FIRRM: variants seen among roughly 807,000 people sequenced by gnomAD.
FIRRM encodes FIGNL1-interacting regulator of recombination and mitosis.
the FIRRM span, among the ~76,000 whole-genome samples, chr1:169,842,103 GA>G: frequency 6.6e-6 from 1 of 151,518 alleles, no homozygotes; most frequent in Admixed American, 6.6e-5. Flanking sequence ...TCGAACCTGG[GA>G]GTTGGAGGTT....
the FIRRM span, chr1:169,793,343 A>G: frequency 1.9e-6 from 3 of 1,614,090 alleles, no homozygotes; most frequent in African/African-American, 4.0e-5. Flanking sequence ...TAATGTTTCT[A>G]TGACTTTATT....
At chr1:169,827,235 AT>A in the FIRRM span, 3 of 1,566,570 alleles carry the variant, frequency 1.9e-6, no homozygotes, top group Non-Finnish European at 2.6e-6. Context: ...TAAATCATCT[AT>A]TATGACATGT....
chr1:169,800,935 A>T, the FIRRM span: 2 of 1,599,490 alleles, frequency 1.3e-6, no homozygotes, highest in South Asian at 2.2e-5. Context: ...ACCACCTGAC[A>T]TTGGAACAGA....
chr1:169,829,178 A>G, the FIRRM span: 1 of 1,226,250 alleles, frequency 8.2e-7, no homozygotes, highest in Non-Finnish European at 1.1e-6. Context: ...TGCTTAAACA[A>G]CCTTCCATGT....
At chr1:169,847,084 C>T in the FIRRM span, among the ~76,000 whole-genome samples, 1 of 152,074 alleles carries the variant, frequency 6.6e-6, no homozygotes, top group African/African-American at 2.4e-5. Flanking sequence ...ACAGTCACAA[C>T]ACACAATTTA....
chr1:169,830,178 G>A, the FIRRM span: 5 of 1,227,408 alleles, frequency 4.1e-6, no homozygotes, highest in African/African-American at 7.7e-5. Context: ...GTGCTTTCTT[G>A]TTTTATTTTG....
the FIRRM span, chr1:169,852,056 C>G: frequency 4.4e-6 from 6 of 1,378,456 alleles, no homozygotes; most frequent in Non-Finnish European, 6.1e-6. Flanking sequence ...TCAAATAGAT[C>G]TAGACATGTA....
chr1:169,839,089 G>A, the FIRRM span, among the ~76,000 whole-genome samples: 1 of 152,118 alleles, frequency 6.6e-6, no homozygotes, highest in African/African-American at 2.4e-5. Context: ...GCCGCTCTCT[G>A]TTGCTGCAAA....
At chr1:169,842,466 C>T in the FIRRM span, 6 of 1,613,820 alleles carry the variant, frequency 3.7e-6, no homozygotes, top group Non-Finnish European at 5.1e-6. Flanking sequence ...GCTGGTGAAG[C>T]TTTGGATACA....
At chr1:169,784,014 TG>T in the FIRRM span, 2 of 152,582 alleles carry the variant, frequency 1.3e-5, no homozygotes, top group South Asian at 4.1e-4. Context: ...TTGAACTCCT[TG>T]GCTAGAGAGA....
the FIRRM span, among the ~76,000 whole-genome samples, chr1:169,836,628 A>G: frequency 6.6e-6 from 1 of 152,246 alleles, no homozygotes; most frequent in South Asian, 2.1e-4. Context: ...CTTATTGGTA[A>G]GTAGGAGCAT....
chr1:169,847,891 AT>A, the FIRRM span: 4 of 847,716 alleles, frequency 4.7e-6, no homozygotes, highest in Non-Finnish European at 7.3e-6. Flanking sequence ...TTTTTCTGAA[AT>A]TTTGCAATTA....
At chr1:169,845,806 A>C in the FIRRM span, among the ~76,000 whole-genome samples, 37 of 152,252 alleles carry the variant, frequency 2.4e-4, no homozygotes, top group African/African-American at 7.9e-4. Flanking sequence ...TGAACCCCCC[A>C]AAGTCATCCA....
the FIRRM span, chr1:169,793,755 G>T: frequency 6.8e-7 from 1 of 1,461,812 alleles, no homozygotes; most frequent in Non-Finnish European, 9.2e-7. Flanking sequence ...GATAGAATTT[G>T]ATGATACACA....
the FIRRM span, among the ~76,000 whole-genome samples, chr1:169,842,251 C>T: frequency 5.3e-5 from 8 of 151,276 alleles, no homozygotes; most frequent in Non-Finnish European, 1.2e-4. Flanking sequence ...TTAATATATA[C>T]TTGTGTTAAA....
chr1:169,793,905 G>GAAAA, the FIRRM span: 8 of 221,544 alleles, frequency 3.6e-5, no homozygotes, highest in Non-Finnish European at 5.6e-5. Flanking sequence ...GCTCTGGAAA[G>GAAAA]AAAAAAAAAA....
chr1:169,822,073 A>G, the FIRRM span, among the ~76,000 whole-genome samples: 952 of 152,296 alleles, frequency 6.3e-3, 7 homozygotes, highest in African/African-American at 0.021. Context: ...GACAAGCAGC[A>G]TAGTTAGAGA....
the FIRRM span, chr1:169,849,694 G>T: frequency 2.0e-6 from 2 of 1,017,784 alleles, no homozygotes; most frequent in Non-Finnish European, 3.0e-6. Flanking sequence ...TTATTGAACT[G>T]CTTCTGTATT....
At chr1:169,803,198 A>C in the FIRRM span, 10 of 1,613,994 alleles carry the variant, frequency 6.2e-6, no homozygotes, top group East Asian at 2.2e-4. Flanking sequence ...GAGCTCTCAC[A>C]GGATGTGTTC....
Sources: allele counts gnomAD v4.1 joint callset (sites outside exome capture counted in the v4.1 genomes callset), GRCh38; gene constraint gnomAD v4.1.1; transcripts MANE v1.5; gene names NCBI Gene and HGNC (gene_info 2026-07-23, HGNC 2026-07-21).